Variants in CEP128 observed in about 807,000 individuals in gnomAD.
CEP128 encodes the protein centrosomal protein 128.
CEP128 carries 132 observed loss-of-function variants against 156.7 expected under a neutral mutation model. That is an observed-to-expected ratio of 0.84 (90% CI 0.73 to 0.97). CEP128 has a LOEUF of 0.97. Among genes scored for constraint, CEP128 ranks in the 50% least tolerant of loss-of-function variants. The pLI is 0.00. For missense variants in CEP128, 1,252 were observed against 1,281.9 expected, an observed-to-expected ratio of 0.98 and a Z score of 0.36; for synonymous variants, 469 against 448.9, an observed-to-expected ratio of 1.04 and a Z score of -0.57.
In CEP128 at chr14:80,831,228, C is replaced by T. The variant is rs762453433; in HGVS notation, c.1124G>A (p.Ser375Asn). 5 of 1,613,936 alleles carry T rather than the reference C, an allele frequency of 3.1e-6. No homozygotes were observed. The highest frequency in any genetic ancestry group is 1.3e-5 in the African/African-American group (1 of 74,902). The change falls in exon 13 of 25, where the codon AGC becomes AAC. Residue 375 changes from serine (S) to asparagine (N), a missense_variant. Transcript: ENST00000555265. ...MSDLRVQLNFSAMASELEEVK... is the reference protein window; with the variant it reads ...MSDLRVQLNFNAMASELEEVK... Reference sequence around the variant, plus strand: ...TTCCTCTAACTCAGATGCCATTGCGCTGAAGTTCAGCTGCACTCTCAAATC... The same window carrying T: ...TTCCTCTAACTCAGATGCCATTGCGTTGAAGTTCAGCTGCACTCTCAAATC...
intron 23 of CEP128, among the ~76,000 whole-genome samples, chr14:80,510,569 T>C (rs1323730400): frequency 6.6e-6 from 1 of 152,130 alleles, no homozygotes; most frequent in Non-Finnish European, 1.5e-5. Context: ...ACTTCTTCCT[T>C]TCCAATTTGG....
chr14:80,873,542 C>T (rs753547490), intron 8 of CEP128, among the ~76,000 whole-genome samples: 1 of 152,156 alleles, frequency 6.6e-6, no homozygotes, highest in Non-Finnish European at 1.5e-5. Flanking sequence ...TGAAACCATC[C>T]TAACTATCTA....
At chr14:80,624,156 ATGAG>A (rs1417547003) in intron 19 of CEP128, among the ~76,000 whole-genome samples, 1 of 152,090 alleles carries the variant, frequency 6.6e-6, no homozygotes, top group Non-Finnish European at 1.5e-5. Context: ...GTTCTCACAT[ATGAG>A]TGAGAACACG....
chr14:80,949,416 G>T (rs1162778998), intron 2 of CEP128, among the ~76,000 whole-genome samples: 1 of 152,152 alleles, frequency 6.6e-6, no homozygotes, highest in African/African-American at 2.4e-5. Flanking sequence ...CTCCATGGAA[G>T]ATTCAGCAGA....
intron 8 of CEP128, among the ~76,000 whole-genome samples, chr14:80,895,159 T>C (rs1328576717): frequency 2.0e-5 from 3 of 152,056 alleles, no homozygotes; most frequent in Non-Finnish European, 4.4e-5. Context: ...AGTGATTTAA[T>C]AAAAATAAAT....
chr14:80,940,470 G>A (rs1337937335), intron 1 of CEP128, among the ~76,000 whole-genome samples: 1 of 152,114 alleles, frequency 6.6e-6, no homozygotes, highest in African/African-American at 2.4e-5. Context: ...ACTGACATGT[G>A]CTATACATGT....
At chr14:80,572,814 G>C (rs1241100211) in intron 20 of CEP128, among the ~76,000 whole-genome samples, 1 of 152,198 alleles carries the variant, frequency 6.6e-6, no homozygotes, top group Non-Finnish European at 1.5e-5. Context: ...TGGAAGCGTT[G>C]CTTTTCACAA....
chr14:80,530,700 T>A, intron 22 of CEP128, 109 bp downstream of exon 22: 1 of 623,836 alleles, frequency 1.6e-6, no homozygotes, highest in Non-Finnish European at 2.7e-6. Flanking sequence ...AAGTTCCCAA[T>A]GTTTTTTGGT....
intron 19 of CEP128, among the ~76,000 whole-genome samples, chr14:80,695,036 A>C (rs1357730169): frequency 6.6e-6 from 1 of 152,096 alleles, no homozygotes; most frequent in Non-Finnish European, 1.5e-5. Flanking sequence ...TCTTATTAGT[A>C]ATAGCTTATG....
At chr14:80,869,840 C>A (rs894157615) in intron 8 of CEP128, among the ~76,000 whole-genome samples, 3 of 151,428 alleles carry the variant, frequency 2.0e-5, no homozygotes, top group Admixed American at 6.6e-5. Context: ...AGAAAACTGA[C>A]AAAATGCTAG....
At chr14:80,848,325 G>A (rs1277420914) in intron 9 of CEP128, among the ~76,000 whole-genome samples, 1 of 152,108 alleles carries the variant, frequency 6.6e-6, no homozygotes, top group Non-Finnish European at 1.5e-5. Context: ...AAAGCAAGAC[G>A]GCCAGGATGG....
rs577072151 is a variant in CEP128 at position 80,762,387 on chromosome 14, G to A, written c.2377-774C>T. Among the ~76,000 whole-genome samples, 3 of 152,084 alleles carry A rather than the reference G, an allele frequency of 2.0e-5. No homozygotes were observed. The Middle Eastern group carries it at 0.01, about 517-fold the overall frequency. Reference sequence around the variant, plus strand: ...GACCAAATCCATGATGGCTAGCTATGACACCTTCAGTCATCACACTGTAAC... The same window carrying A: ...GACCAAATCCATGATGGCTAGCTATAACACCTTCAGTCATCACACTGTAAC... On this transcript the variant is annotated intron_variant, in intron 16 of 24. Transcript: ENST00000555265.
rs1206022249 is a variant in CEP128 at position 80,530,896 on chromosome 14, A to G, written c.2881-10T>C. On this transcript the variant is annotated splice_polypyrimidine_tract_variant and intron_variant, in intron 21 of 24. Transcript: ENST00000555265. ...AGGCCACTTGGGTACTCTGAAATAG[A>G]AAACATAAGGAAACCAAACATTATA... 1 of 1,581,076 alleles carries G rather than the reference A, an allele frequency of 6.3e-7. No homozygotes were observed.
intron 19 of CEP128, among the ~76,000 whole-genome samples, chr14:80,622,288 C>G (rs1893511562): frequency 6.6e-6 from 1 of 152,086 alleles, no homozygotes; most frequent in Non-Finnish European, 1.5e-5. Context: ...TGTCCTCTCC[C>G]CTGCCAGCCT....
intron 21 of CEP128, among the ~76,000 whole-genome samples, chr14:80,541,203 C>A (rs1198430576): frequency 6.6e-6 from 1 of 152,084 alleles, no homozygotes; most frequent in Non-Finnish European, 1.5e-5. Context: ...TCTCTAATAA[C>A]CTTTTTGGCA....
chr14:80,683,619 TAACA>T (rs1339753056), intron 19 of CEP128, among the ~76,000 whole-genome samples: 1 of 152,140 alleles, frequency 6.6e-6, no homozygotes, highest in African/African-American at 2.4e-5. Context: ...CAATTAGACT[TAACA>T]GACATCTACA....
chr14:80,644,900 A>C (rs955965426), intron 19 of CEP128, among the ~76,000 whole-genome samples: 3 of 152,196 alleles, frequency 2.0e-5, no homozygotes, highest in Non-Finnish European at 4.4e-5. Flanking sequence ...GAAATTACTA[A>C]TTTGCATTTT....
chr14:80,919,872 T>C (rs1471051191), intron 2 of CEP128, among the ~76,000 whole-genome samples: 2 of 152,164 alleles, frequency 1.3e-5, no homozygotes, highest in Non-Finnish European at 2.9e-5. Context: ...TAAAGTTAAG[T>C]TACTGTGAGC....
chr14:80,955,817 G>T, intron 2 of CEP128: 1 of 1,614,186 alleles, frequency 6.2e-7, no homozygotes, highest in Non-Finnish European at 8.5e-7. Flanking sequence ...GATATTCAAC[G>T]CATCCCCAGC....
Sources: gnomAD v4.1 joint callset for allele counts (sites outside exome capture counted in the v4.1 genomes callset) on GRCh38, gnomAD v4.1.1 for gene constraint, MANE v1.5 for transcripts, NCBI Gene and HGNC (gene_info 2026-07-23, HGNC 2026-07-21) for gene names.